Variants in SLC12A3 observed in about 807,000 individuals in gnomAD.
SLC12A3 encodes Na-Cl cotransporter.
A neutral mutation model predicts 121.0 loss-of-function variants in SLC12A3; 104 were observed. The observed-to-expected ratio is 0.86, with a 90% CI of 0.73 to 1.01. The LOEUF is 1.01. SLC12A3 is among the 50% of genes least tolerant of loss of function. The pLI is 0.00. For missense variants in SLC12A3, 1,328 were observed against 1,356.3 expected (o/e 0.98, Z 0.33); for synonymous variants, 536 against 533.4 (o/e 1.00, Z -0.07).
At chr16:56,898,279 G>GT (rs1176428904) in intron 22 of SLC12A3, among the ~76,000 whole-genome samples, 3 of 151,754 alleles carry the variant, frequency 2.0e-5, no homozygotes, top group Non-Finnish European at 2.9e-5. Context: ...GTTTTGTTTT[G>GT]TTTTTTTGAG....
chr16:56,878,682 T>C (rs1398323317), intron 9 of SLC12A3, among the ~76,000 whole-genome samples: 4 of 151,968 alleles, frequency 2.6e-5, no homozygotes, highest in African/African-American at 9.7e-5. Context: ...TGCCTTGAAC[T>C]GAGATCCTCA....
intron 18 of SLC12A3, among the ~76,000 whole-genome samples, chr16:56,888,549 ATTTTTTT>A (rs749206626): frequency 3.5e-4 from 30 of 85,916 alleles, no homozygotes; most frequent in Non-Finnish European, 5.4e-4. Flanking sequence ...AGATCTTTTA[ATTTTTTT>A]TTTTTTTTTT....
At chr16:56,880,435 A>G (rs1474657898) in intron 12 of SLC12A3, among the ~76,000 whole-genome samples, 182 bp downstream of exon 12, 1 of 152,160 alleles carries the variant, frequency 6.6e-6, no homozygotes, top group Non-Finnish European at 1.5e-5. Flanking sequence ...TCGGGGGGCC[A>G]TGTGATCCTT....
intron 25 of SLC12A3, among the ~76,000 whole-genome samples, chr16:56,905,775 G>A (rs567731832): frequency 6.6e-6 from 1 of 152,258 alleles, no homozygotes; most frequent in East Asian, 1.9e-4. Context: ...ATCTCACAGT[G>A]GTGGAAAGGA....
rs1367363272 is a variant in SLC12A3, at chr16:56,885,169, G to C, written c.1826-96G>C. 3 of 841,692 alleles carry C rather than the reference G, an allele frequency of 3.6e-6. No individual in the cohort carries two copies. In the South Asian group the frequency reaches 4.3e-5, roughly 12 times the overall value. The allele number at this position is 841,692 out of a possible 1,614,324, so 52.1% of individuals were successfully genotyped here. ...TGCTCCCACGGGTGCCCGGTGCCTA[G>C]AGAAGGCCGACATTACCTCTGTCCC... On this transcript the variant is annotated intron_variant, in intron 14 of 25. Coordinates refer to ENST00000563236, the MANE Select transcript of SLC12A3 (RefSeq NM_001126108.2).
intron 22 of SLC12A3, among the ~76,000 whole-genome samples, chr16:56,895,917 T>C (rs939449357): frequency 3.9e-5 from 6 of 152,064 alleles, no homozygotes; most frequent in Non-Finnish European, 5.9e-5. Flanking sequence ...TCTAAGATCC[T>C]GCAAGAGGGT....
chr16:56,902,573 G>A, intron 24 of SLC12A3, 65 bp downstream of exon 24: 1 of 1,593,228 alleles, frequency 6.3e-7, no homozygotes, highest in Non-Finnish European at 8.6e-7. Flanking sequence ...TGTCCTGCAT[G>A]TCTTGAGCTC....
chr16:56,880,841 C>T (rs1180076472), intron 12 of SLC12A3, among the ~76,000 whole-genome samples: 4 of 152,306 alleles, frequency 2.6e-5, no homozygotes, highest in South Asian at 4.1e-4. Context: ...AGACAAGGTA[C>T]TTCACCTCTC....
Position 56,902,448 on chromosome 16 carries a change from G to A in SLC12A3, c.2796G>A (p.Glu932=). 6.2e-7 allele frequency: 1 copy of A among 1,610,296 alleles called. No homozygotes were observed. Among genetic ancestry groups the A allele is most frequent in the Non-Finnish European group, 8.5e-7 (1 of 1,177,724 alleles). Reference sequence around the variant, plus strand: ...TCAAGGATGAGGCCACTGTCAACGAGATGCGGCGGGACTGCCCCTGGAAGA... The same window carrying A: ...TCAAGGATGAGGCCACTGTCAACGAAATGCGGCGGGACTGCCCCTGGAAGA... ...DGFKDEATVN[E]MRRDCPWKIS... Residue 932 remains glutamate, a synonymous_variant, in exon 24 of 26, where the codon GAG becomes GAA. Coordinates refer to ENST00000563236, the MANE Select transcript of SLC12A3 (RefSeq NM_001126108.2).
intron 8 of SLC12A3, among the ~76,000 whole-genome samples, chr16:56,874,269 GAGA>G (rs1360589048): frequency 5.3e-5 from 8 of 152,240 alleles, no homozygotes. Context: ...CACCAGCAGG[GAGA>G]AGGAGAGACT....
rs140512747 is a variant in SLC12A3 at position 56,903,867 on chromosome 16, G to A, written c.2857-528G>A. On this transcript the variant is annotated intron_variant, in intron 24 of 25. Coordinates refer to ENST00000563236, the MANE Select transcript of SLC12A3 (RefSeq NM_001126108.2). The stretch of plus-strand genomic sequence containing the variant: ...AAATGCTGAATAAAACATTGTGTCC[G>A]AAGAAGACCTTCCAATACTCTGTTA... Among the ~76,000 whole-genome samples the A allele has an allele frequency of 1.6e-3, 237 of 152,288 alleles. 1 individual carries two copies. Among genetic ancestry groups the A allele is most frequent in the Middle Eastern group, 3.4e-3 (1 of 294 alleles).
chr16:56,913,457 G>A lies in SLC12A3; in HGVS notation c.*52G>A. The A allele has an allele frequency of 6.4e-7, 1 of 1,570,298 alleles. No homozygotes were observed. The highest frequency in any genetic ancestry group is 8.8e-7 in the Non-Finnish European group (1 of 1,140,128). ...AGCTCTGAGTGTGTGGGATAAGTTG[G>A]AACTTGATTGCCTCTAGTCCACAGG... On this transcript the variant is annotated 3_prime_UTR_variant, in exon 26 of 26. Transcript: ENST00000563236.
chr16:56,904,060 C>G (rs1381902083), intron 24 of SLC12A3, among the ~76,000 whole-genome samples: 4 of 152,186 alleles, frequency 2.6e-5, no homozygotes, highest in Non-Finnish European at 5.9e-5. Context: ...GGGAGACAAC[C>G]TGACTTGCCC....
intron 25 of SLC12A3, among the ~76,000 whole-genome samples, chr16:56,909,428 C>A (rs2055654150): frequency 6.7e-6 from 1 of 149,736 alleles, no homozygotes; most frequent in Admixed American, 6.7e-5. Flanking sequence ...CCATCCCTAC[C>A]ACCATCCCCC....
In SLC12A3 at chr16:56,905,905, A is replaced by G. The variant is rs3794651; in HGVS notation, c.2924+1443A>G. ...AAACTTCACCTGTTTGAACCCTTCT[A>G]TAAATCTGCAAAATGCATCCTGCCT... On this transcript the variant is annotated intron_variant, in intron 25 of 25. Transcript: ENST00000563236. Among the ~76,000 whole-genome samples the G allele has an allele frequency of 4.3e-4, 66 of 152,326 alleles. 1 individual carries two copies. In the East Asian group the frequency reaches 0.013, roughly 29 times the overall value.
chr16:56,869,616 A>C (rs2055060915), intron 3 of SLC12A3, 113 bp from the exon 4 acceptor site: 1 of 868,598 alleles, frequency 1.2e-6, no homozygotes, highest in Non-Finnish European at 1.9e-6. Context: ...TTCAGATGAG[A>C]AAACTGAAGC....
At chr16:56,909,715 C>G (rs1396300593) in intron 25 of SLC12A3, among the ~76,000 whole-genome samples, 2 of 152,020 alleles carry the variant, frequency 1.3e-5, no homozygotes, top group South Asian at 2.1e-4. Flanking sequence ...TCAGAACCAC[C>G]AGGGGACTGT....
chr16:56,901,744 G>C (rs1395602902), intron 23 of SLC12A3, among the ~76,000 whole-genome samples: 1 of 152,084 alleles, frequency 6.6e-6, no homozygotes. Context: ...TGCCCGACTG[G>C]GCCCTCTCTG....
At position 56,867,080 on chromosome 16, in the gene SLC12A3, G is replaced by A. The variant is rs1964372610; in HGVS notation, c.293G>A (p.Arg98Lys). The A allele has an allele frequency of 6.2e-7, 1 of 1,613,278 alleles. No individual in the cohort carries two copies. Among genetic ancestry groups the A allele is most frequent in the Non-Finnish European group, 8.5e-7 (1 of 1,180,032 alleles). Residue 98 changes from arginine to lysine, a missense_variant, in exon 2 of 26, where the codon AGA becomes AAA. Transcript: ENST00000563236. ...TCTCTGGGCTGCCAGCAGGAAGGCA[G>A]ACACCTGCATGCCCTGGCCTTTGAC... is the stretch of plus-strand genomic sequence containing the variant. ...DLHSFLKQEGRHLHALAFDSR... is the reference protein window; with the variant it reads ...DLHSFLKQEGKHLHALAFDSR...
Sources: gnomAD v4.1 joint callset for allele counts (sites outside exome capture counted in the v4.1 genomes callset) on GRCh38, gnomAD v4.1.1 for gene constraint, MANE v1.5 for transcripts, NCBI Gene and HGNC (gene_info 2026-07-23, HGNC 2026-07-21) for gene names.